The following CDHR2 variants were observed in gnomAD, a reference collection of about 807,000 sequenced individuals.
CDHR2 encodes the protein cadherin-related family member 2.
In CDHR2, 104 loss-of-function variants were observed where a neutral mutation model predicts 138.6. The observed-to-expected ratio is 0.75, with a 90% confidence interval of 0.64 to 0.88. The LOEUF (loss-of-function observed/expected upper bound fraction) is 0.88. Ranked by LOEUF, CDHR2 falls within the 40% of genes least tolerant of loss-of-function variation. The pLI is 0.00. For synonymous variants in CDHR2, 755 were observed against 742.8 expected (o/e 1.02, Z -0.27); for missense variants, 1,624 against 1,727.6 (o/e 0.94, Z 1.06).
rs1293202970 is a variant in CDHR2 at position 176,577,727 on chromosome 5, C to G, written c.1441C>G (p.Pro481Ala). 1 of 1,614,232 alleles carries G rather than the reference C, an allele frequency of 6.2e-7. No homozygotes were observed. The highest frequency in any genetic ancestry group is 1.7e-5 in the Admixed American group (1 of 60,026). The change falls in exon 14 of 32, where the codon CCC (proline) becomes GCC (alanine). Residue 481 changes from proline (P) to alanine (A), a missense_variant. Around this residue, in one of 3 missense-constraint regions of CDHR2, gnomAD observed 1,061 missense variants for 1,136.6 expected, o/e 0.93. Transcript: ENST00000261944. ...CATTAATGACCACAGGCCCACGTTT[C>G]CCCAGAGCTTGTACGTCCTCACGGT... Reference protein sequence around the residue: ...RDINDHRPTFPQSLYVLTVPE... With the variant: ...RDINDHRPTFAQSLYVLTVPE...
At chr5:176,558,074 G>C (rs182356666) in intron 1 of CDHR2, among the ~76,000 whole-genome samples, 3 of 152,138 alleles carry the variant, frequency 2.0e-5, no homozygotes, top group Admixed American at 6.5e-5. Context: ...CTTCCCCAGC[G>C]CGCATGGTAA....
intron 17 of CDHR2, among the ~76,000 whole-genome samples, chr5:176,582,503 C>T (rs1758555491): frequency 1.3e-5 from 2 of 152,138 alleles, no homozygotes; most frequent in South Asian, 4.1e-4. Flanking sequence ...CTGAGGCGGG[C>T]CTAGTTGCTG....
intron 1 of CDHR2, among the ~76,000 whole-genome samples, chr5:176,555,990 G>T (rs1757813386): frequency 6.6e-6 from 1 of 152,128 alleles, no homozygotes; most frequent in Non-Finnish European, 1.5e-5. Context: ...TGTCTCATAG[G>T]GTGGAGCATG....
chr5:176,546,494 AG>A (rs1440522382), upstream of CDHR2, among the ~76,000 whole-genome samples: 1 of 152,188 alleles, frequency 6.6e-6, no homozygotes, highest in Non-Finnish European at 1.5e-5. Flanking sequence ...TCACCTGCCC[AG>A]GTAGGCATCA....
At chr5:176,557,590 G>T in intron 1 of CDHR2, among the ~76,000 whole-genome samples, 1 of 132,080 alleles carries the variant, frequency 7.6e-6, no homozygotes, top group Non-Finnish European at 1.6e-5. Flanking sequence ...TTTTGAGATA[G>T]GGTCTTGCTC....
In CDHR2 at chr5:176,584,686, A is replaced by G. The variant is rs1426954056; in HGVS notation, c.2405A>G (p.Asn802Ser). 1.2e-6 allele frequency: 2 copies of G among 1,614,034 alleles called. No homozygotes were observed. Among genetic ancestry groups the G allele is most frequent in the African/African-American group, 2.7e-5 (2 of 74,922 alleles). Residue 802 changes from asparagine to serine, a missense_variant, in exon 19 of 32, where the codon AAC becomes AGC. Physicochemically the swap from Asn to Ser is conservative, Grantham distance 46. Transcript: ENST00000261944. ...GTCTGCGTGAATGTGAAAGACGTGA[A>G]CGACAATCCCCCCACCCTGGATGTA... ...VDVCVNVKDV[N>S]DNPPTLDVAS...
At chr5:176,584,152 A>G (rs1758591055) in intron 17 of CDHR2, 38 bp from the exon 18 acceptor site, 8 of 1,582,852 alleles carry the variant, frequency 5.1e-6, no homozygotes, top group South Asian at 1.1e-5. Context: ...GGAGGGTGAG[A>G]TTGGATCCCG....
At chr5:176,594,112 GA>G in intron 31 of CDHR2, among the ~76,000 whole-genome samples, 1 of 152,356 alleles carries the variant, frequency 6.6e-6, no homozygotes, top group South Asian at 2.1e-4. Flanking sequence ...TGTGGACTGG[GA>G]AGGGGCAGGG....
chr5:176,563,672 G>A (rs1318742335), intron 1 of CDHR2, among the ~76,000 whole-genome samples: 1 of 152,070 alleles, frequency 6.6e-6, no homozygotes, highest in East Asian at 1.9e-4. Flanking sequence ...ATTGTGTGTC[G>A]CCTGTAAAAG....
At chr5:176,575,480 G>A (rs1480581223) in intron 9 of CDHR2, 26 bp from the exon 10 acceptor site, 1 of 1,614,138 alleles carries the variant, frequency 6.2e-7, no homozygotes, top group Admixed American at 1.7e-5. Context: ...GGAAGTTTGA[G>A]GAGCACTGAC....
chr5:176,581,583 G>A lies in CDHR2; in HGVS notation c.2058+1G>A. The A allele has an allele frequency of 4.3e-6, 7 of 1,612,914 alleles. No individual in the cohort carries two copies. Among genetic ancestry groups the A allele is most frequent in the Non-Finnish European group, 4.2e-6 (5 of 1,179,796 alleles). ...AGTCAATGTCACCATCACTGTGGAG[G>A]TAAGGCCTCGCTTAGCCAGGATGGG... On this transcript the variant is annotated splice_donor_variant, in intron 17 of 31. Coordinates refer to ENST00000261944, the MANE Select transcript of CDHR2 (RefSeq NM_017675.6). LOFTEE classifies it high-confidence loss of function.
upstream of CDHR2, chr5:176,547,787 A>G (rs554450219): frequency 6.6e-6 from 1 of 152,246 alleles, no homozygotes; most frequent in East Asian, 1.9e-4. Flanking sequence ...TTCTCACTTG[A>G]CTTCCCTTCA....
In CDHR2 at chr5:176,590,074, G is replaced by T. The variant is rs1297099444; in HGVS notation, c.3207-4G>T. On this transcript the variant is annotated splice_polypyrimidine_tract_variant and splice_region_variant and intron_variant, in intron 24 of 31. Coordinates refer to ENST00000261944, the MANE Select transcript of CDHR2 (RefSeq NM_017675.6). Reference sequence around the variant, plus strand: ...GGCCTCTGTGACATCTGCCTTCTTTGCAGGGCTCTTACCCAGGCAACCAGG... The same window carrying T: ...GGCCTCTGTGACATCTGCCTTCTTTTCAGGGCTCTTACCCAGGCAACCAGG... 1.9e-6 allele frequency: 3 copies of T among 1,613,324 alleles called. No individual in the cohort carries two copies. The highest frequency in any genetic ancestry group is 2.5e-6 in the Non-Finnish European group (3 of 1,179,442).
In CDHR2 at chr5:176,586,137, G is replaced by T. The variant is rs1268724540; in HGVS notation, c.2806+112G>T. ...GGGGAGCCTTTAGAAAGGGGGGAAG[G>T]CCTCTAATCCTGCATCTTCCTAGGG... On this transcript the variant is annotated intron_variant, in intron 20 of 31. Coordinates refer to ENST00000261944, the MANE Select transcript of CDHR2 (RefSeq NM_017675.6). 5 of 779,834 alleles carry T rather than the reference G, an allele frequency of 6.4e-6. No individual in the cohort carries two copies. The African/African-American group carries it at 6.9e-5, about 11-fold the overall frequency. The allele number at this position is 779,834 out of a possible 1,614,324, so 48.3% of individuals were successfully genotyped here.
Position 176,574,129 on chromosome 5 carries a change from A to C in CDHR2, c.452A>C (p.Lys151Thr). ...GTGTTCTCCGTGCTGGCCGTGGATAAAGACATGGGGTCTGCAGGCATGGTC... is the reference window on the plus strand; with the variant it reads ...GTGTTCTCCGTGCTGGCCGTGGATACAGACATGGGGTCTGCAGGCATGGTC... ...SVVFSVLAVD[K>T]DMGSAGMVVY... is the part of the protein sequence containing the mutation. Residue 151 changes from lysine to threonine, a missense_variant, in exon 7 of 32, where the codon AAA becomes ACA. Transcript: ENST00000261944. The C allele has an allele frequency of 6.2e-7, 1 of 1,614,034 alleles. No individual in the cohort carries two copies. Among genetic ancestry groups the C allele is most frequent in the Non-Finnish European group, 8.5e-7 (1 of 1,179,946 alleles).
At chr5:176,592,807 G>C in intron 31 of CDHR2, 27 bp downstream of exon 31, 1 of 1,606,008 alleles carries the variant, frequency 6.2e-7, no homozygotes, top group Non-Finnish European at 8.5e-7. Flanking sequence ...ATTGGTGCCT[G>C]GAGGTTCCAA....
At chr5:176,586,573 T>C in intron 20 of CDHR2, 1 of 548,480 alleles carries the variant, frequency 1.8e-6, no homozygotes, top group Admixed American at 3.1e-5. Flanking sequence ...TGGGCCTCCA[T>C]TTCCGCATGG....
intron 3 of CDHR2, chr5:176,567,161 A>G (rs1758103819): frequency 6.1e-6 from 2 of 330,100 alleles, no homozygotes; most frequent in East Asian, 1.7e-4. Flanking sequence ...GAGAGGGAGG[A>G]GTGCACAGGA....
intron 3 of CDHR2, among the ~76,000 whole-genome samples, 164 bp downstream of exon 3, chr5:176,565,907 T>G (rs1184592908): frequency 6.6e-6 from 1 of 152,180 alleles, no homozygotes; most frequent in Non-Finnish European, 1.5e-5. Context: ...TTTTCTTCTC[T>G]TCAGCTTCTG....
Sources: gnomAD v4.1 joint callset for allele counts (sites outside exome capture counted in the v4.1 genomes callset) on GRCh38, gnomAD v4.1.1 for gene constraint, gnomAD v4.1.1 regional missense constraint, MANE v1.5 for transcripts, NCBI Gene and HGNC (gene_info 2026-07-23, HGNC 2026-07-21) for gene names.